Variants in CSMD1 observed in about 807,000 individuals in gnomAD.
CSMD1 encodes CUB and Sushi multiple domains 1.
Under a neutral mutation model 417.5 loss-of-function variants are expected in CSMD1, and 213 were observed. The observed-to-expected ratio is 0.51, with a 90% CI of 0.46 to 0.57. CSMD1 has a LOEUF of 0.57. Among genes scored for constraint, CSMD1 ranks in the 20% least tolerant of loss-of-function variants. CSMD1 has a pLI of 0.00. For synonymous variants in CSMD1, 2,862 were observed against 1,736.8 expected, an observed-to-expected ratio of 1.65 and a Z score of -16.11; for missense variants, 6,923 against 4,529.7, an observed-to-expected ratio of 1.53 and a Z score of -15.17.
chr8:3,656,996 T>C (rs534514095), intron 7 of CSMD1, among the ~76,000 whole-genome samples: 1 of 151,718 alleles, frequency 6.6e-6, no homozygotes, highest in Non-Finnish European at 1.5e-5. Flanking sequence ...GACATGGGGA[T>C]GTGACCCACT....
At chr8:4,972,361 T>A (rs56255409) in intron 1 of CSMD1, among the ~76,000 whole-genome samples, 1 of 152,104 alleles carries the variant, frequency 6.6e-6, no homozygotes, top group Non-Finnish European at 1.5e-5. Flanking sequence ...GTGCAGGTAA[T>A]TGAATCATGG....
In CSMD1 at chr8:3,898,959, A is replaced by G. The variant is rs571522606; in HGVS notation, c.818+98944T>C. Among the ~76,000 whole-genome samples, 50 of 152,316 alleles carry G rather than the reference A, an allele frequency of 3.3e-4. 1 individual carries two copies. The South Asian group carries it at 0.01, about 32-fold the overall frequency. ...CCTCAAAAATTTTATGGGAAAAATAAAAAACAAATGGGACCATACAGTACA... is the reference window on the plus strand; with the variant it reads ...CCTCAAAAATTTTATGGGAAAAATAGAAAACAAATGGGACCATACAGTACA... On this transcript the variant is annotated intron_variant, in intron 5 of 69. Transcript: ENST00000635120.
intron 8 of CSMD1, among the ~76,000 whole-genome samples, chr8:3,593,050 C>T (rs73179198): frequency 6.6e-6 from 1 of 152,130 alleles, no homozygotes; most frequent in Non-Finnish European, 1.5e-5. Context: ...GAAGCCCTGG[C>T]TGGGGGGTCC....
chr8:3,811,555 G>T (rs1374037233), intron 5 of CSMD1, among the ~76,000 whole-genome samples: 1 of 151,998 alleles, frequency 6.6e-6, no homozygotes, highest in Non-Finnish European at 1.5e-5. Context: ...TTCTCTGCAC[G>T]CCTGACCACA....
chr8:4,671,148 C>A (rs1311268575), intron 1 of CSMD1, among the ~76,000 whole-genome samples: 1 of 152,168 alleles, frequency 6.6e-6, no homozygotes, highest in Non-Finnish European at 1.5e-5. Flanking sequence ...TCAAATCCTG[C>A]GGCATGATTT....
chr8:3,154,441 A>G (rs1435712665), intron 39 of CSMD1, among the ~76,000 whole-genome samples: 1 of 152,186 alleles, frequency 6.6e-6, no homozygotes, highest in East Asian at 1.9e-4. Context: ...TTATTGGTAA[A>G]TGTGGTTTTT....
At chr8:3,737,858 G>C (rs1471311887) in intron 6 of CSMD1, among the ~76,000 whole-genome samples, 4 of 152,218 alleles carry the variant, frequency 2.6e-5, no homozygotes, top group African/African-American at 9.6e-5. Context: ...TTAATGTTAA[G>C]TCAGCCTTAT....
intron 5 of CSMD1, among the ~76,000 whole-genome samples, chr8:3,822,278 T>G (rs1250322048): frequency 6.6e-6 from 1 of 152,152 alleles, no homozygotes; most frequent in Non-Finnish European, 1.5e-5. Flanking sequence ...ACATTTACCC[T>G]TGTAAGAGCT....
At chr8:3,045,507 T>G (rs1457016367) in intron 50 of CSMD1, among the ~76,000 whole-genome samples, 1 of 152,184 alleles carries the variant, frequency 6.6e-6, no homozygotes, top group Admixed American at 6.5e-5. Context: ...GACCCCTTAT[T>G]CCTGATTTTT....
At chr8:3,408,964 T>G (rs765916860) in intron 13 of CSMD1, among the ~76,000 whole-genome samples, 1 of 152,158 alleles carries the variant, frequency 6.6e-6, no homozygotes, top group Admixed American at 6.5e-5. Flanking sequence ...CTTTTCTACT[T>G]GTTAAAATAG....
chr8:4,753,886 G>A (rs1563298070), intron 1 of CSMD1, among the ~76,000 whole-genome samples: 2 of 152,194 alleles, frequency 1.3e-5, no homozygotes, highest in African/African-American at 2.4e-5. Flanking sequence ...GCTAGAAGGT[G>A]GCAGGGAGTT....
At chr8:3,103,166 T>C (rs1815882633) in intron 46 of CSMD1, among the ~76,000 whole-genome samples, 1 of 152,200 alleles carries the variant, frequency 6.6e-6, no homozygotes, top group Non-Finnish European at 1.5e-5. Flanking sequence ...CACATAGACA[T>C]ATAGCTAAGG....
chr8:3,265,738 C>G (rs757940410), intron 26 of CSMD1, among the ~76,000 whole-genome samples: 1 of 152,128 alleles, frequency 6.6e-6, no homozygotes, highest in African/African-American at 2.4e-5. Flanking sequence ...TAGCTTTTAC[C>G]TTTCCTTCTG....
At chr8:3,199,920 T>C (rs550462384) in intron 32 of CSMD1, 111 bp from the exon 33 acceptor site, 11 of 628,298 alleles carry the variant, frequency 1.8e-5, no homozygotes, top group Middle Eastern at 5.2e-4. Context: ...TTTGAACTTT[T>C]AAAACATTTT....
chr8:3,088,532 G>A (rs1327675777), intron 48 of CSMD1, among the ~76,000 whole-genome samples: 1 of 152,114 alleles, frequency 6.6e-6, no homozygotes, highest in Non-Finnish European at 1.5e-5. Context: ...GTGCCCAGAA[G>A]CAACATCTAT....
At chr8:3,134,684 C>G (rs1817980553) in intron 41 of CSMD1, among the ~76,000 whole-genome samples, 3 of 152,194 alleles carry the variant, frequency 2.0e-5, no homozygotes, top group Non-Finnish European at 4.4e-5. Context: ...AATCCAAAGA[C>G]TTCATTTCCC....
At chr8:3,919,162 C>A (rs371830557) in intron 5 of CSMD1, among the ~76,000 whole-genome samples, 2 of 126,298 alleles carry the variant, frequency 1.6e-5, no homozygotes, top group Non-Finnish European at 3.2e-5. Flanking sequence ...GATTTGGTTG[C>A]CTGTACTTTT....
intron 6 of CSMD1, among the ~76,000 whole-genome samples, chr8:3,714,973 T>C (rs1801743939): frequency 6.6e-6 from 1 of 152,200 alleles, no homozygotes; most frequent in Non-Finnish European, 1.5e-5. Flanking sequence ...ATTTACACTA[T>C]AATAAATTAT....
At chr8:3,797,202 T>C (rs975541232) in intron 5 of CSMD1, among the ~76,000 whole-genome samples, 3 of 151,900 alleles carry the variant, frequency 2.0e-5, no homozygotes, top group African/African-American at 4.8e-5. Flanking sequence ...AGAACTTCAA[T>C]CTGAAATATC....
Sources: gnomAD v4.1 joint callset for allele counts (sites outside exome capture counted in the v4.1 genomes callset) on GRCh38, gnomAD v4.1.1 for gene constraint, MANE v1.5 for transcripts, NCBI Gene and HGNC (gene_info 2026-07-23, HGNC 2026-07-21) for gene names.